RNF6: variants seen among roughly 807,000 people sequenced by gnomAD.
The protein encoded by RNF6 is ring finger protein 6, also known as E3 ubiquitin-protein ligase RNF6.
A neutral mutation model predicts 50.1 loss-of-function variants in RNF6; 21 were observed. That is an observed-to-expected ratio of 0.42 (90% confidence interval 0.30 to 0.60). RNF6 has a LOEUF of 0.60. Ranked by LOEUF, RNF6 falls within the 20% of genes least tolerant of loss-of-function variation. RNF6 has a pLI of 0.20. For synonymous variants in RNF6, 255 were observed against 291.8 expected (o/e 0.87, Z 1.29); for missense variants, 698 against 838.2 (o/e 0.83, Z 2.07).
At chr13:26,220,972 TTATTA>T (rs1302717583) in intron 2 of RNF6, among the ~76,000 whole-genome samples, 18 of 152,336 alleles carry the variant, frequency 1.2e-4, no homozygotes, top group Admixed American at 3.9e-4. Flanking sequence ...TGTGGTTATT[TTATTA>T]TGTCATTTTG....
Position 26,213,626 on chromosome 13 carries a change from C to T in RNF6, c.*198G>A, listed in dbSNP as rs1441908302. 1.1e-5 allele frequency: 5 copies of T among 435,422 alleles called. No individual in the cohort carries two copies. Among genetic ancestry groups the T allele is most frequent in the Non-Finnish European group, 1.6e-5 (4 of 249,774 alleles). 27.0% of individuals were successfully genotyped at this position (435,422 alleles called of 1,614,324 possible). ...TAGCAATATTAACTATTCTGTATTTCTGGATAATTTAACATTTGTATTTTA... is the reference window on the plus strand; with the variant it reads ...TAGCAATATTAACTATTCTGTATTTTTGGATAATTTAACATTTGTATTTTA... On this transcript the variant is annotated 3_prime_UTR_variant, in exon 5 of 5. Coordinates refer to ENST00000381588, the MANE Select transcript of RNF6 (RefSeq NM_005977.4).
chr13:26,220,840 TA>T (rs1317931711), intron 2 of RNF6, among the ~76,000 whole-genome samples: 1 of 152,246 alleles, frequency 6.6e-6, no homozygotes, highest in Non-Finnish European at 1.5e-5. Context: ...ACTAGGTATT[TA>T]ATAAGCAAGC....
chr13:26,169,053 G>A (rs1479756265), intron 5 of RNF6, among the ~76,000 whole-genome samples: 1 of 152,106 alleles, frequency 6.6e-6, no homozygotes, highest in Admixed American at 6.5e-5. Context: ...GTTCACAGAT[G>A]TCAGCTGTGT....
intron 5 of RNF6, among the ~76,000 whole-genome samples, chr13:26,143,511 A>G (rs543949195): frequency 6.8e-6 from 1 of 147,328 alleles, no homozygotes; most frequent in African/African-American, 2.5e-5. Flanking sequence ...ATAAGGTTGT[A>G]GGAACAGGAA....
chr13:26,196,026 A>G (rs375954303), intron 5 of RNF6, among the ~76,000 whole-genome samples: 209 of 152,342 alleles, frequency 1.4e-3, no homozygotes, highest in African/African-American at 4.8e-3. Context: ...ACTGAGGTGT[A>G]AAAAACACTT....
intron 5 of RNF6, among the ~76,000 whole-genome samples, chr13:26,167,156 T>C (rs1229216084): frequency 1.3e-5 from 2 of 152,214 alleles, no homozygotes; most frequent in African/African-American, 4.8e-5. Flanking sequence ...AAAGATTTCA[T>C]GATGAAGATG....
At chr13:26,166,009 C>T (rs1381979781) in intron 5 of RNF6, among the ~76,000 whole-genome samples, 1 of 152,140 alleles carries the variant, frequency 6.6e-6, no homozygotes, top group Non-Finnish European at 1.5e-5. Flanking sequence ...TATGGTTTGG[C>T]TGTGTCCCCA....
intron 5 of RNF6, among the ~76,000 whole-genome samples, chr13:26,155,486 A>T (rs1871867823): frequency 6.6e-6 from 1 of 152,206 alleles, no homozygotes; most frequent in Non-Finnish European, 1.5e-5. Context: ...ATAATATAGA[A>T]CAGGGTTCAG....
At chr13:26,145,970 G>A (rs1871217793) in intron 5 of RNF6, among the ~76,000 whole-genome samples, 1 of 152,136 alleles carries the variant, frequency 6.6e-6, no homozygotes, top group Non-Finnish European at 1.5e-5. Flanking sequence ...GGCCAACTGT[G>A]AGACAGACCT....
chr13:26,151,356 AGGTTCAAGC>A (rs1184802704), intron 5 of RNF6, among the ~76,000 whole-genome samples: 2 of 151,906 alleles, frequency 1.3e-5, no homozygotes, highest in African/African-American at 4.8e-5. Flanking sequence ...TCCACCTCCC[AGGTTCAAGC>A]GGTTCTCCTG....
At position 26,169,610 on chromosome 13, in the gene RNF6, G is replaced by A. The variant is rs141679833; in HGVS notation, n.769-37159C>T. ...TAAATCTTCTTAAGAGTCTCTTGCC[G>A]GCCTTAAGACCCAGGAAATGTCTTT... On this transcript the variant is annotated intron_variant and non_coding_transcript_variant, in intron 5 of 5. Transcript: ENST00000468480. 1.5e-4 allele frequency among the ~76,000 whole-genome samples: 23 copies of A among 152,008 alleles called. 1 individual carries two copies. Among genetic ancestry groups the A allele is most frequent in the Middle Eastern group, 6.8e-3 (2 of 294 alleles).
At chr13:26,179,567 C>G (rs373521473) in intron 5 of RNF6, among the ~76,000 whole-genome samples, 5 of 152,292 alleles carry the variant, frequency 3.3e-5, no homozygotes, top group South Asian at 2.1e-4. Flanking sequence ...CTTCTTATCT[C>G]ACGGCTCTGC....
intron 5 of RNF6, among the ~76,000 whole-genome samples, chr13:26,207,548 C>G (rs1427407051): frequency 1.3e-5 from 2 of 152,166 alleles, no homozygotes; most frequent in Non-Finnish European, 2.9e-5. Context: ...CAGGTTGATT[C>G]ATTGGGTAGG....
In RNF6 at chr13:26,214,594, T is replaced by C. The variant is rs764177401; in HGVS notation, c.1288A>G (p.Asn430Asp). Residue 430 changes from asparagine (N) to aspartate (D), a missense_variant, in exon 5 of 5, where the codon AAT (asparagine) becomes GAT (aspartate). Transcript: ENST00000381588. ...RTRSRVGLAE[N>D]TVTIESNSGG... ...CTATTGCTTTCAATAGTGACTGTAT[T>C]TTCTGCTAGCCCTACTCTGGATCGA... The C allele has an allele frequency of 3.7e-6, 6 of 1,614,042 alleles. No homozygotes were observed. The highest frequency in any genetic ancestry group is 5.1e-6 in the Non-Finnish European group (6 of 1,180,026).
At chr13:26,210,338 T>C (rs4770959), downstream of RNF6, among the ~76,000 whole-genome samples, 1,408 of 152,328 alleles carry the variant, frequency 9.2e-3, 68 homozygotes, top group Admixed American at 0.079. Context: ...AATGGAGAGA[T>C]GCAGGAAGAT....
At chr13:26,165,829 T>A (rs1407510911) in intron 5 of RNF6, among the ~76,000 whole-genome samples, 1 of 152,222 alleles carries the variant, frequency 6.6e-6, no homozygotes, top group Admixed American at 6.5e-5. Context: ...TGCTTTTGAT[T>A]TTACTGGCTC....
At chr13:26,172,881 A>C (rs992118200) in intron 5 of RNF6, among the ~76,000 whole-genome samples, 1 of 152,204 alleles carries the variant, frequency 6.6e-6, no homozygotes, top group Admixed American at 6.5e-5. Flanking sequence ...ATATAATGTG[A>C]AAATGGAGAA....
downstream of RNF6, among the ~76,000 whole-genome samples, chr13:26,208,364 T>C (rs1869191346): frequency 6.6e-6 from 1 of 152,154 alleles, no homozygotes; most frequent in South Asian, 2.1e-4. Flanking sequence ...GGGCACTGAG[T>C]CTGTCACGAG....
At chr13:26,181,664 G>A (rs1017339122) in intron 5 of RNF6, among the ~76,000 whole-genome samples, 2 of 152,194 alleles carry the variant, frequency 1.3e-5, no homozygotes, top group East Asian at 1.9e-4. Context: ...CCCACAGAAG[G>A]AGGGGAGGTC....
Sources: allele counts gnomAD v4.1 joint callset (sites outside exome capture counted in the v4.1 genomes callset), GRCh38; gene constraint gnomAD v4.1.1; transcripts MANE v1.5; gene names NCBI Gene and HGNC (gene_info 2026-07-23, HGNC 2026-07-21).